ZNF704: variants seen among roughly 807,000 people sequenced by gnomAD.
The protein encoded by ZNF704 is zinc finger protein 704.
ZNF704 carries 10 observed loss-of-function variants against 44.7 expected under a neutral mutation model. The ratio of observed to expected loss-of-function variants is 0.22; its 90% CI spans 0.14 to 0.38. The LOEUF (loss-of-function observed/expected upper bound fraction) is 0.38. ZNF704 is among the 10% of genes least tolerant of loss of function. The pLI, the probability that ZNF704 is intolerant of heterozygous loss-of-function variation, is 1.00. For synonymous variants in ZNF704, 211 were observed against 207.6 expected (o/e 1.02, Z -0.14); for missense variants, 390 against 545.5 (o/e 0.71, Z 2.84).
rs1401297598 is a variant in ZNF704, at chr8:80,640,023, A to T, written c.*1343T>A. 2 of 152,632 alleles carry T rather than the reference A, an allele frequency of 1.3e-5. No individual in the cohort carries two copies. Among genetic ancestry groups the T allele is most frequent in the Non-Finnish European group, 2.9e-5 (2 of 68,044 alleles). The allele number at this position is 152,632 out of a possible 1,614,324, so 9.5% of individuals were successfully genotyped here. On this transcript the variant is annotated 3_prime_UTR_variant, in exon 9 of 9. Coordinates refer to ENST00000327835, the MANE Select transcript of ZNF704 (RefSeq NM_001033723.3). ...CTATCCCCCAAACAAACAAGCAAGTAAGTTACGAAGCCCAATAAATGGAAC... is the reference window on the plus strand; with the variant it reads ...CTATCCCCCAAACAAACAAGCAAGTTAGTTACGAAGCCCAATAAATGGAAC...
At chr8:80,761,613 T>A (rs764197322) in intron 2 of ZNF704, among the ~76,000 whole-genome samples, 2 of 152,212 alleles carry the variant, frequency 1.3e-5, no homozygotes, top group East Asian at 3.8e-4. Context: ...TTTATTTACA[T>A]TTTTGAAAAG....
intron 2 of ZNF704, among the ~76,000 whole-genome samples, chr8:80,729,535 T>A (rs1193901482): frequency 6.6e-6 from 1 of 152,196 alleles, no homozygotes; most frequent in Non-Finnish European, 1.5e-5. Flanking sequence ...AAACCTGGCA[T>A]CCTCTTCTTG....
chr8:80,700,524 C>T (rs1283123976), intron 2 of ZNF704, among the ~76,000 whole-genome samples: 1 of 152,222 alleles, frequency 6.6e-6, no homozygotes, highest in Non-Finnish European at 1.5e-5. Context: ...TTATCCTCCT[C>T]TTTTACCTAA....
chr8:80,652,327 C>G (rs1181249310), intron 7 of ZNF704, among the ~76,000 whole-genome samples: 1 of 151,718 alleles, frequency 6.6e-6, no homozygotes, highest in Non-Finnish European at 1.5e-5. Context: ...CAGAGCAGAA[C>G]TGAAAGAAAT....
intron 7 of ZNF704, among the ~76,000 whole-genome samples, chr8:80,648,502 T>C (rs1396445651): frequency 2.0e-5 from 3 of 152,238 alleles, no homozygotes; most frequent in Non-Finnish European, 4.4e-5. Flanking sequence ...AACTACCATT[T>C]ATTCAGTGCT....
rs1472718434 is a variant in ZNF704 at position 80,666,427 on chromosome 8, G to A, written c.660-1345C>T. On this transcript the variant is annotated intron_variant, in intron 5 of 8. Coordinates refer to ENST00000327835, the MANE Select transcript of ZNF704 (RefSeq NM_001033723.3). The stretch of plus-strand genomic sequence containing the variant: ...GTGAATAATGCCGCAATAAACATAC[G>A]TGTGCATGTGTCTTTATAGCAGCAT... 3.0e-3 allele frequency among the ~76,000 whole-genome samples: 457 copies of A among 151,158 alleles called. 2 individuals carry two copies. Among genetic ancestry groups the A allele is most frequent in the African/African-American group, 0.011 (433 of 41,120 alleles).
At chr8:80,725,719 T>C (rs1281791599) in intron 2 of ZNF704, among the ~76,000 whole-genome samples, 1 of 152,154 alleles carries the variant, frequency 6.6e-6, no homozygotes, top group Non-Finnish European at 1.5e-5. Context: ...TACATATAAG[T>C]TTTTGTGGAC....
chr8:80,669,248 A>G (rs1430593087), intron 5 of ZNF704, among the ~76,000 whole-genome samples: 1 of 152,166 alleles, frequency 6.6e-6, no homozygotes, highest in Non-Finnish European at 1.5e-5. Context: ...AAAAAAACTG[A>G]GCTGCTTACA....
intron 2 of ZNF704, among the ~76,000 whole-genome samples, chr8:80,755,165 C>T (rs1807013601): frequency 6.6e-6 from 1 of 152,058 alleles, no homozygotes. Flanking sequence ...GCAAATAAAA[C>T]ACTTAAAAAG....
chr8:80,882,149 T>C, the ZNF704 span, among the ~76,000 whole-genome samples: 2 of 152,204 alleles, frequency 1.3e-5, no homozygotes, highest in Non-Finnish European at 2.9e-5. Flanking sequence ...AGAAGTAGAA[T>C]CAGTTGGTCA....
At chr8:80,757,136 C>A (rs1020027328) in intron 2 of ZNF704, among the ~76,000 whole-genome samples, 2 of 152,136 alleles carry the variant, frequency 1.3e-5, no homozygotes, top group Non-Finnish European at 2.9e-5. Context: ...CAGCCTGAGG[C>A]AGGTCCTTTA....
chr8:80,649,279 A>G (rs769971264), intron 7 of ZNF704, among the ~76,000 whole-genome samples: 1 of 152,150 alleles, frequency 6.6e-6, no homozygotes, highest in Non-Finnish European at 1.5e-5. Context: ...CAACTGAGGT[A>G]CCGGGTTCAA....
At chr8:80,774,742 C>T (rs545773222) in intron 2 of ZNF704, among the ~76,000 whole-genome samples, 1 of 152,316 alleles carries the variant, frequency 6.6e-6, no homozygotes, top group East Asian at 1.9e-4. Flanking sequence ...TCCACATTTC[C>T]TTCTGTGGTG....
intron 1 of ZNF704, among the ~76,000 whole-genome samples, chr8:80,834,988 G>C (rs1808535355): frequency 6.6e-6 from 1 of 152,106 alleles, no homozygotes; most frequent in Non-Finnish European, 1.5e-5. Flanking sequence ...GTGTACTACA[G>C]CAAGTTTTAA....
chr8:80,704,681 AG>A (rs1202956925), intron 2 of ZNF704, among the ~76,000 whole-genome samples: 5 of 152,346 alleles, frequency 3.3e-5, no homozygotes, highest in African/African-American at 1.2e-4. Context: ...AAAACCCAAA[AG>A]GACAGAGTTT....
At chr8:80,674,060 G>C (rs1297693932) in intron 4 of ZNF704, among the ~76,000 whole-genome samples, 3 of 152,228 alleles carry the variant, frequency 2.0e-5, no homozygotes, top group Admixed American at 1.3e-4. Context: ...GAAGCTCTTT[G>C]AGGGACGTGA....
At chr8:80,736,965 T>G (rs966101620) in intron 2 of ZNF704, among the ~76,000 whole-genome samples, 18 of 151,986 alleles carry the variant, frequency 1.2e-4, no homozygotes, top group African/African-American at 4.3e-4. Context: ...CATCAAGTGA[T>G]TCTCATATCC....
intron 4 of ZNF704, among the ~76,000 whole-genome samples, chr8:80,684,353 T>A (rs1001396997): frequency 2.0e-5 from 3 of 152,198 alleles, no homozygotes; most frequent in Non-Finnish European, 2.9e-5. Context: ...ACAATACTTA[T>A]CCTTATTATG....
intron 1 of ZNF704, among the ~76,000 whole-genome samples, chr8:80,839,974 T>C (rs1808648954): frequency 6.6e-6 from 1 of 152,246 alleles, no homozygotes; most frequent in Non-Finnish European, 1.5e-5. Flanking sequence ...CTCTCTCCCC[T>C]AGTGCTTCAG....
Sources: allele counts gnomAD v4.1 joint callset (sites outside exome capture counted in the v4.1 genomes callset), GRCh38; gene constraint gnomAD v4.1.1; transcripts MANE v1.5; gene names NCBI Gene and HGNC (gene_info 2026-07-23, HGNC 2026-07-21).